Variants in DIP2B observed in about 807,000 individuals in gnomAD.
DIP2B encodes the protein disco-interacting protein 2 homolog B.
DIP2B carries 76 observed loss-of-function variants against 198.0 expected under a neutral mutation model. The observed-to-expected ratio is 0.38, with a 90% confidence interval of 0.32 to 0.46. The LOEUF is 0.46. DIP2B is among the 20% of genes least tolerant of loss of function. The pLI is 0.99. For synonymous variants in DIP2B, 701 were observed against 739.1 expected (o/e 0.95, Z 0.84); for missense variants, 1,559 against 1,978.4 (o/e 0.79, Z 4.02).
At chr12:50,597,541 G>A (rs1477959310) in intron 1 of DIP2B, among the ~76,000 whole-genome samples, 4 of 152,310 alleles carry the variant, frequency 2.6e-5, no homozygotes, top group South Asian at 2.1e-4. Flanking sequence ...ATGGAGGAGC[G>A]TTAATACAAA....
chr12:50,711,490 G>T (rs1490047939), intron 22 of DIP2B, among the ~76,000 whole-genome samples: 3 of 152,178 alleles, frequency 2.0e-5, no homozygotes, highest in African/African-American at 7.2e-5. Flanking sequence ...ATCTGTATTG[G>T]TTGGTAGGAT....
intron 1 of DIP2B, among the ~76,000 whole-genome samples, chr12:50,534,910 A>G (rs549706252): frequency 6.6e-6 from 1 of 152,270 alleles, no homozygotes; most frequent in Admixed American, 6.5e-5. Context: ...ATCAAAGTAT[A>G]TGAAAAGGAG....
At chr12:50,693,038 T>G in intron 14 of DIP2B, 25 bp downstream of exon 14, 1 of 1,598,334 alleles carries the variant, frequency 6.3e-7, no homozygotes, top group South Asian at 1.1e-5. Context: ...TTTAAGGCCC[T>G]TAGTGTAAAT....
intron 2 of DIP2B, among the ~76,000 whole-genome samples, chr12:50,637,672 G>GT (rs1938183868): frequency 6.6e-6 from 1 of 152,160 alleles, no homozygotes; most frequent in African/African-American, 2.4e-5. Flanking sequence ...ACCAAGAACA[G>GT]TAGGCATGTC....
intron 25 of DIP2B, among the ~76,000 whole-genome samples, chr12:50,721,067 C>T (rs2139586224): frequency 6.6e-6 from 1 of 152,256 alleles, no homozygotes; most frequent in East Asian, 1.9e-4. Flanking sequence ...CCTCATCCTC[C>T]CAAAGTGCTA....
At chr12:50,578,331 G>A (rs1374767003) in intron 1 of DIP2B, among the ~76,000 whole-genome samples, 2 of 149,304 alleles carry the variant, frequency 1.3e-5, no homozygotes, top group African/African-American at 2.4e-5. Context: ...GAATGGATGT[G>A]TTACCCGTAC....
chr12:50,624,128 C>G (rs1346387886), intron 1 of DIP2B, among the ~76,000 whole-genome samples: 2 of 152,158 alleles, frequency 1.3e-5, no homozygotes, highest in Non-Finnish European at 2.9e-5. Context: ...TAGAAACTTG[C>G]AAATTACTCT....
chr12:50,660,431 A>G, intron 4 of DIP2B, 112 bp downstream of exon 4: 1 of 1,251,384 alleles, frequency 8.0e-7, no homozygotes, highest in South Asian at 2.1e-5. Context: ...CCGCCATTAG[A>G]GGAATGTAAG....
intron 12 of DIP2B, among the ~76,000 whole-genome samples, chr12:50,688,177 A>G (rs1347460860): frequency 6.6e-6 from 1 of 152,096 alleles, no homozygotes; most frequent in African/African-American, 2.4e-5. Context: ...ACGCCACTGC[A>G]CTAGAGAGGC....
chr12:50,694,527 A>G (rs923358040), intron 14 of DIP2B, among the ~76,000 whole-genome samples: 2 of 81,386 alleles, frequency 2.5e-5, no homozygotes, highest in African/African-American at 7.3e-5. Flanking sequence ...ATACATACAT[A>G]CATACATACA....
chr12:50,566,247 C>G (rs893294539), intron 1 of DIP2B, among the ~76,000 whole-genome samples: 1 of 152,046 alleles, frequency 6.6e-6, no homozygotes, highest in African/African-American at 2.4e-5. Context: ...GCCATGTTGC[C>G]CAGGCTGGCC....
chr12:50,612,986 C>A (rs1415915511), intron 1 of DIP2B, among the ~76,000 whole-genome samples: 1 of 152,232 alleles, frequency 6.6e-6, no homozygotes, highest in Non-Finnish European at 1.5e-5. Context: ...TCTCCCGTCT[C>A]CCTTGACTCT....
chr12:50,530,189 G>A (rs1397153988), intron 1 of DIP2B, among the ~76,000 whole-genome samples: 2 of 152,012 alleles, frequency 1.3e-5, no homozygotes, highest in East Asian at 3.9e-4. Context: ...CCATTCTCCC[G>A]CTTCAGCCTC....
chr12:50,722,947 T>G (rs1939868899), intron 26 of DIP2B, among the ~76,000 whole-genome samples: 2 of 152,228 alleles, frequency 1.3e-5, no homozygotes, highest in Non-Finnish European at 1.5e-5. Flanking sequence ...AATATCAATA[T>G]ACCTTCTTCA....
chr12:50,621,217 G>C (rs1372031369), intron 1 of DIP2B, among the ~76,000 whole-genome samples: 7 of 152,240 alleles, frequency 4.6e-5, no homozygotes, highest in Non-Finnish European at 1.0e-4. Context: ...ATTTCTTTCT[G>C]TCTGGTCTTG....
chr12:50,698,515 A>G, intron 18 of DIP2B, 48 bp downstream of exon 18: 3 of 1,586,250 alleles, frequency 1.9e-6, no homozygotes, highest in Non-Finnish European at 2.6e-6. Context: ...ATTTGTCATC[A>G]GAGATAATAG....
intron 31 of DIP2B, 75 bp downstream of exon 31, chr12:50,731,612 G>GCGTGGGGTTCTGAAGCAT: frequency 6.7e-7 from 1 of 1,496,338 alleles, no homozygotes. Flanking sequence ...CAGGGCCAGA[G>GCGTGGGGTTCTGAAGCAT]CAGGGGCTAA....
At chr12:50,650,806 T>TTC (rs1278509859) in intron 3 of DIP2B, among the ~76,000 whole-genome samples, 10 of 152,210 alleles carry the variant, frequency 6.6e-5, no homozygotes, top group African/African-American at 2.4e-4. Flanking sequence ...TGTTTTCGGT[T>TTC]TATTTGGAGA....
intron 4 of DIP2B, among the ~76,000 whole-genome samples, chr12:50,665,716 C>T (rs1352387630): frequency 2.0e-5 from 3 of 150,336 alleles, no homozygotes; most frequent in African/African-American, 4.9e-5. Context: ...GTCAAGGCTG[C>T]AGTGAACCAT....
Sources: allele counts gnomAD v4.1 joint callset (sites outside exome capture counted in the v4.1 genomes callset), GRCh38; gene constraint gnomAD v4.1.1; transcripts MANE v1.5; gene names NCBI Gene and HGNC (gene_info 2026-07-23, HGNC 2026-07-21).